The following CDC73 variants were observed in gnomAD, a reference collection of about 807,000 sequenced individuals.
The protein encoded by CDC73 is parafibromin.
CDC73 carries 21 observed loss-of-function variants against 83.7 expected under a neutral mutation model. That is an observed-to-expected ratio of 0.25 (90% CI 0.18 to 0.36). The LOEUF (loss-of-function observed/expected upper bound fraction) is 0.36, where lower values mean the gene tolerates loss of function less well. Ranked by LOEUF, CDC73 falls within the 10% of genes least tolerant of loss-of-function variation. The probability of loss-of-function intolerance (pLI) is 1.00; values close to 1 mark genes in which losing one functional copy is unlikely to be tolerated. For missense variants in CDC73, 342 were observed against 653.3 expected, an observed-to-expected ratio of 0.52 and a Z score of 5.19; for synonymous variants, 224 against 212.9, an observed-to-expected ratio of 1.05 and a Z score of -0.45.
At chr1:193,242,650 T>C (rs1002671546) in intron 15 of CDC73, among the ~76,000 whole-genome samples, 1 of 152,222 alleles carries the variant, frequency 6.6e-6, no homozygotes, top group African/African-American at 2.4e-5. Context: ...TCTCAAGATA[T>C]TTTTAATGAT....
intron 15 of CDC73, among the ~76,000 whole-genome samples, chr1:193,246,604 A>G (rs1677958929): frequency 6.6e-6 from 1 of 152,128 alleles, no homozygotes; most frequent in Non-Finnish European, 1.5e-5. Flanking sequence ...AAAAACCACC[A>G]AAATTCCTAG....
At chr1:193,219,223 T>C (rs12135148) in intron 13 of CDC73, among the ~76,000 whole-genome samples, 6,114 of 152,272 alleles carry the variant, frequency 0.04, 120 homozygotes, top group Middle Eastern at 0.048. Flanking sequence ...ATGGCTATTA[T>C]GAAAACATCA....
At chr1:193,154,399 A>G (rs974792818) in intron 10 of CDC73, among the ~76,000 whole-genome samples, 4 of 152,176 alleles carry the variant, frequency 2.6e-5, no homozygotes, top group Non-Finnish European at 5.9e-5. Context: ...AAATTTAAGG[A>G]TAGCTTCTTT....
At chr1:193,233,504 A>G (rs1367597825) in intron 14 of CDC73, among the ~76,000 whole-genome samples, 1 of 152,266 alleles carries the variant, frequency 6.6e-6, no homozygotes, top group Non-Finnish European at 1.5e-5. Context: ...TTGGTCATCA[A>G]TAATGTTAAC....
At chr1:193,142,521 T>G (rs1039216702) in intron 7 of CDC73, among the ~76,000 whole-genome samples, 1 of 152,130 alleles carries the variant, frequency 6.6e-6, no homozygotes, top group African/African-American at 2.4e-5. Context: ...GGTATAGCAG[T>G]TTTTTCATTA....
intron 15 of CDC73, among the ~76,000 whole-genome samples, chr1:193,243,453 A>C (rs532839991): frequency 6.6e-6 from 1 of 152,208 alleles, no homozygotes; most frequent in Non-Finnish European, 1.5e-5. Flanking sequence ...AAAGTTGTCT[A>C]TTCTGGTGGA....
chr1:193,201,550 A>G (rs937904189), intron 10 of CDC73, among the ~76,000 whole-genome samples: 1 of 152,170 alleles, frequency 6.6e-6, no homozygotes, highest in Non-Finnish European at 1.5e-5. Context: ...GATGTAGTCT[A>G]GGATATAAAC....
rs551737586 is a variant in CDC73 at position 193,235,036 on chromosome 1, T to C, written c.1317-1220T>C. ...AGAAGGTAACCCTGGTTTAATGTTTTTTTGTATGTCTGCAGTCGTCATTAA... is the reference window on the plus strand; with the variant it reads ...AGAAGGTAACCCTGGTTTAATGTTTCTTTGTATGTCTGCAGTCGTCATTAA... On this transcript the variant is annotated intron_variant, in intron 14 of 16. Transcript: ENST00000367435. Among the ~76,000 whole-genome samples the C allele has an allele frequency of 1.6e-3, 251 of 152,252 alleles. 1 individual carries two copies. Among genetic ancestry groups the C allele is most frequent in the Non-Finnish European group, 2.9e-3 (194 of 67,996 alleles).
intron 15 of CDC73, among the ~76,000 whole-genome samples, chr1:193,243,402 A>G (rs1282245211): frequency 3.3e-5 from 5 of 152,200 alleles, no homozygotes; most frequent in Non-Finnish European, 7.3e-5. Flanking sequence ...AAAATTAGTG[A>G]CTTACACTTT....
chr1:193,203,857 A>C lies in CDC73; in HGVS notation c.1030+5A>C. ...CCCAGCCAGTACCAAGACCAGGTAGAAATATAGAACTTTGCTTTTTGTTTT... is the reference window on the plus strand; with the variant it reads ...CCCAGCCAGTACCAAGACCAGGTAGCAATATAGAACTTTGCTTTTTGTTTT... On this transcript the variant is annotated splice_donor_5th_base_variant and intron_variant, in intron 11 of 16. Coordinates refer to ENST00000367435, the MANE Select transcript of CDC73 (RefSeq NM_024529.5). 1.9e-6 allele frequency: 3 copies of C among 1,613,154 alleles called. No homozygotes were observed. The highest frequency in any genetic ancestry group is 2.5e-6 in the Non-Finnish European group (3 of 1,179,140).
chr1:193,178,531 T>C (rs1440186427), intron 10 of CDC73, among the ~76,000 whole-genome samples: 2 of 151,800 alleles, frequency 1.3e-5, no homozygotes, highest in African/African-American at 4.8e-5. Flanking sequence ...TTTAAAACTT[T>C]TGAAGCATAA....
intron 11 of CDC73, among the ~76,000 whole-genome samples, chr1:193,204,718 GAA>G (rs1677157547): frequency 6.6e-6 from 1 of 152,154 alleles, no homozygotes; most frequent in Non-Finnish European, 1.5e-5. Context: ...TAGGTATAGA[GAA>G]GAGTTAAAGA....
intron 7 of CDC73, 74 bp downstream of exon 7, chr1:193,142,140 A>G: frequency 7.8e-7 from 1 of 1,282,492 alleles, no homozygotes; most frequent in East Asian, 2.4e-5. Context: ...GTGGTTATAG[A>G]ATTGGTTAAA....
intron 10 of CDC73, among the ~76,000 whole-genome samples, chr1:193,166,721 A>T (rs2103146398): frequency 6.7e-6 from 1 of 149,404 alleles, no homozygotes; most frequent in East Asian, 2.0e-4. Flanking sequence ...ATCTTGGCTC[A>T]CCACAACCTC....
At chr1:193,177,013 G>A (rs1170817894) in intron 10 of CDC73, among the ~76,000 whole-genome samples, 1 of 152,024 alleles carries the variant, frequency 6.6e-6, no homozygotes, top group Non-Finnish European at 1.5e-5. Flanking sequence ...AAAATAATTG[G>A]GGGATCAGAT....
chr1:193,134,472 C>G (rs1333757107), intron 3 of CDC73, among the ~76,000 whole-genome samples: 1 of 152,074 alleles, frequency 6.6e-6, no homozygotes, highest in Non-Finnish European at 1.5e-5. Context: ...AGATCGAGAC[C>G]ATTCTGGCTA....
chr1:193,135,288 A>ATTT (rs1675771316), intron 3 of CDC73, 103 bp from the exon 4 acceptor site: 1 of 912,092 alleles, frequency 1.1e-6, no homozygotes, highest in African/African-American at 1.7e-5. Flanking sequence ...AGAGAAAATC[A>ATTT]CCATATAGAA....
At chr1:193,228,027 C>T (rs1426015494) in intron 13 of CDC73, among the ~76,000 whole-genome samples, 2 of 152,104 alleles carry the variant, frequency 1.3e-5, no homozygotes, top group Admixed American at 6.6e-5. Context: ...TGACAGTTGA[C>T]CTAGGGTAGC....
chr1:193,180,845 T>TTGCAAC, intron 10 of CDC73: 1 of 1,614,026 alleles, frequency 6.2e-7, no homozygotes, highest in Non-Finnish European at 8.5e-7. Flanking sequence ...GGACAGTATG[T>TTGCAAC]TGCAACCCAG....
Sources: allele counts gnomAD v4.1 joint callset (sites outside exome capture counted in the v4.1 genomes callset), GRCh38; gene constraint gnomAD v4.1.1; transcripts MANE v1.5; gene names NCBI Gene and HGNC (gene_info 2026-07-23, HGNC 2026-07-21).